TTC17: variants seen among roughly 807,000 people sequenced by gnomAD.
TTC17 encodes tetratricopeptide repeat domain 17, also known as tetratricopeptide repeat protein 17.
TTC17 carries 58 observed loss-of-function variants against 143.8 expected under a neutral mutation model. The observed-to-expected ratio is 0.40, with a 90% confidence interval of 0.33 to 0.50. The LOEUF (loss-of-function observed/expected upper bound fraction) is 0.50. TTC17 is among the 20% of genes least tolerant of loss of function. The probability of loss-of-function intolerance (pLI) is 0.49; values close to 1 mark genes in which losing one functional copy is unlikely to be tolerated. For missense variants in TTC17, 1,273 were observed against 1,392.5 expected (o/e 0.91, Z 1.37); for synonymous variants, 501 against 497.8 (o/e 1.01, Z -0.09).
intron 21 of TTC17, among the ~76,000 whole-genome samples, chr11:43,457,377 G>A (rs540204214): frequency 5.3e-5 from 8 of 151,962 alleles, no homozygotes; most frequent in African/African-American, 1.4e-4. Flanking sequence ...ATAATATCTG[G>A]AGCCGCTGTG....
chr11:43,391,769 G>A (rs2134531368), intron 4 of TTC17, 52 bp from the exon 5 acceptor site: 4 of 1,585,058 alleles, frequency 2.5e-6, no homozygotes, highest in Non-Finnish European at 3.4e-6. Flanking sequence ...TGAATTATTT[G>A]TCATCTTTTA....
intron 16 of TTC17, among the ~76,000 whole-genome samples, chr11:43,422,943 G>A (rs909086753): frequency 6.6e-6 from 1 of 152,200 alleles, no homozygotes; most frequent in Non-Finnish European, 1.5e-5. Context: ...GTTTCAGTAG[G>A]AATGATCCAG....
intron 13 of TTC17, among the ~76,000 whole-genome samples, 163 bp from the exon 14 acceptor site, chr11:43,406,975 C>T (rs374211897): frequency 2.6e-5 from 4 of 152,188 alleles, no homozygotes; most frequent in African/African-American, 9.6e-5. Flanking sequence ...AGGTCAACAC[C>T]TGTTGGTATG....
chr11:43,360,919 A>T (rs767036013), intron 1 of TTC17, among the ~76,000 whole-genome samples: 1 of 152,272 alleles, frequency 6.6e-6, no homozygotes, highest in Middle Eastern at 3.4e-3. Context: ...TTTTTAAGTG[A>T]TCCTTTTCAT....
intron 1 of TTC17, among the ~76,000 whole-genome samples, chr11:43,365,774 C>T (rs1472209229): frequency 6.6e-6 from 1 of 152,178 alleles, no homozygotes; most frequent in Non-Finnish European, 1.5e-5. Context: ...AAGGATTCTA[C>T]ATTTTTATCA....
intron 1 of TTC17, among the ~76,000 whole-genome samples, chr11:43,361,512 C>G (rs191424970): frequency 6.6e-6 from 1 of 152,214 alleles, no homozygotes; most frequent in Non-Finnish European, 1.5e-5. Context: ...GCAAAATCAT[C>G]TAACAGCATC....
chr11:43,451,224 C>A lies in TTC17; in HGVS notation c.2989C>A (p.Leu997Ile). ...LGKDQYPQQS[L>I]EQIGTRIAKV... ...CAAAGACCAATATCCACAACAGTCG[C>A]TTGAACAGATTGGCACCCGAATTGC... Residue 997 changes from leucine to isoleucine, a missense_variant, in exon 21 of 24, where the codon CTT becomes ATT. Transcript: ENST00000039989. The A allele has an allele frequency of 6.2e-7, 1 of 1,613,860 alleles. No individual in the cohort carries two copies. Among genetic ancestry groups the A allele is most frequent in the South Asian group, 1.1e-5 (1 of 91,070 alleles).
chr11:43,402,585 A>G (rs1353725880), intron 10 of TTC17, among the ~76,000 whole-genome samples: 1 of 152,134 alleles, frequency 6.6e-6, no homozygotes, highest in Non-Finnish European at 1.5e-5. Context: ...AAAAAAAAAG[A>G]TTCAAACTCT....
At chr11:43,408,727 G>A (rs1858259466) in intron 15 of TTC17, among the ~76,000 whole-genome samples, 1 of 151,964 alleles carries the variant, frequency 6.6e-6, no homozygotes, top group African/African-American at 2.4e-5. Flanking sequence ...GATCAGGGTG[G>A]GTACCCCAAA....
Position 43,404,003 on chromosome 11 carries a change from T to C in TTC17, c.1338T>C (p.Gly446=). ...CTTTTTGTTTCATTTTCTAGTTTGG[T>C]GAGGATTCATCAACCTCCAGTATGA... ...IFENVDYVQF[G]EDSSTSSMMS... Residue 446 remains glycine (G), a synonymous_variant, in exon 11 of 24, where the codon GGT becomes GGC. Coordinates refer to ENST00000039989, the MANE Select transcript of TTC17 (RefSeq NM_018259.6). The C allele has an allele frequency of 1.2e-6, 2 of 1,601,230 alleles. No homozygotes were observed. The highest frequency in any genetic ancestry group is 1.7e-5 in the Admixed American group (1 of 57,394).
intron 21 of TTC17, among the ~76,000 whole-genome samples, chr11:43,456,927 C>G (rs1229375095): frequency 1.3e-5 from 2 of 152,102 alleles, no homozygotes; most frequent in Non-Finnish European, 2.9e-5. Context: ...ATCTCTCCAT[C>G]TCACACTGCT....
At chr11:43,445,892 T>C (rs1192599956) in intron 18 of TTC17, 1 of 907,250 alleles carries the variant, frequency 1.1e-6, no homozygotes, top group Non-Finnish European at 1.7e-6. Flanking sequence ...TAAGAACTAA[T>C]AATAATGCTT....
At chr11:43,402,706 A>G (rs1857922516) in intron 10 of TTC17, among the ~76,000 whole-genome samples, 1 of 152,184 alleles carries the variant, frequency 6.6e-6, no homozygotes, top group Admixed American at 6.6e-5. Context: ...AAAATATTGC[A>G]AAATCCAAAA....
At chr11:43,372,969 AT>A (rs1228231012) in intron 1 of TTC17, among the ~76,000 whole-genome samples, 1 of 152,180 alleles carries the variant, frequency 6.6e-6, no homozygotes, top group African/African-American at 2.4e-5. Flanking sequence ...GAAGGAAATA[AT>A]ATAGTAGATA....
Position 43,448,029 on chromosome 11 carries a change from G to A in TTC17, c.2693G>A (p.Gly898Glu), listed in dbSNP as rs1947583066. The change falls in exon 19 of 24, where the codon GGA becomes GAA. Residue 898 changes from glycine (G) to glutamate (E), a missense_variant. By Grantham distance (98) the Gly-to-Glu change is moderately conservative (BLOSUM62 -2). Around this residue, in one of 3 missense-constraint regions of TTC17, gnomAD observed 878 missense variants for 899.8 expected, o/e 0.98. Transcript: ENST00000039989. Reference protein sequence around the residue: ...QGKKRDYQRLGWPSPDECLKL... With the variant: ...QGKKRDYQRLEWPSPDECLKL... ...AAAAAACGTGACTACCAGCGTCTGG[G>A]ATGGCCCAGCCCGGACGAATGCCTC... 6.2e-7 allele frequency: 1 copy of A among 1,614,050 alleles called. No homozygotes were observed. The highest frequency in any genetic ancestry group is 8.5e-7 in the Non-Finnish European group (1 of 1,179,950).
chr11:43,410,296 C>T (rs1426534757), intron 15 of TTC17, among the ~76,000 whole-genome samples: 1 of 152,012 alleles, frequency 6.6e-6, no homozygotes, highest in East Asian at 1.9e-4. Context: ...CTCTCTTTGC[C>T]TTTTTATCTT....
At chr11:43,457,590 G>T (rs192381534) in intron 21 of TTC17, among the ~76,000 whole-genome samples, 79 of 152,090 alleles carry the variant, frequency 5.2e-4, no homozygotes, top group African/African-American at 1.9e-3. Context: ...AAAAGATGAA[G>T]AAAGTAGATG....
At chr11:43,391,794 T>G in intron 4 of TTC17, 27 bp from the exon 5 acceptor site, 1 of 1,606,464 alleles carries the variant, frequency 6.2e-7, no homozygotes, top group Non-Finnish European at 8.5e-7. Context: ...CTTTGATATG[T>G]CTTTTGAATC....
intron 21 of TTC17, among the ~76,000 whole-genome samples, chr11:43,462,215 A>G (rs953041996): frequency 5.3e-5 from 8 of 152,314 alleles, no homozygotes; most frequent in Admixed American, 5.2e-4. Flanking sequence ...GGCAGGCTGA[A>G]TAGTGCCCCC....
Sources: allele counts gnomAD v4.1 joint callset (sites outside exome capture counted in the v4.1 genomes callset), GRCh38; gene constraint gnomAD v4.1.1; regional missense constraint gnomAD v4.1.1; transcripts MANE v1.5; gene names NCBI Gene and HGNC (gene_info 2026-07-23, HGNC 2026-07-21).